The following LRP4 variants were observed in gnomAD, a reference collection of about 807,000 sequenced individuals.
LRP4 encodes LDL receptor related protein 4.
LRP4 carries 95 observed loss-of-function variants against 220.3 expected under a neutral mutation model. The ratio of observed to expected loss-of-function variants is 0.43; its 90% CI spans 0.37 to 0.51. LRP4 has a LOEUF of 0.51. Ranked by LOEUF, LRP4 falls within the 20% of genes least tolerant of loss-of-function variation. LRP4 has a pLI of 0.00. For missense variants in LRP4, 1,925 were observed against 2,567.0 expected (o/e 0.75, Z 5.40); for synonymous variants, 903 against 954.6 (o/e 0.95, Z 1.00).
chr11:46,890,224 A>C lies in LRP4; in HGVS notation c.1915+53T>G. On this transcript the variant is annotated intron_variant, in intron 14 of 37. Coordinates refer to ENST00000378623, the MANE Select transcript of LRP4 (RefSeq NM_002334.4). The surrounding 1 kb of genome is among the most constrained non-coding windows in gnomAD (Gnocchi z 5.3). Reference sequence around the variant, plus strand: ...ACCTCTACCAAGGCTCCTGGGGGGCAGGGACGGGGGCAGGAGGACAAGAGA... The same window carrying C: ...ACCTCTACCAAGGCTCCTGGGGGGCCGGGACGGGGGCAGGAGGACAAGAGA... 1.2e-6 allele frequency: 2 copies of C among 1,606,518 alleles called. No individual in the cohort carries two copies. Among genetic ancestry groups the C allele is most frequent in the South Asian group, 2.2e-5 (2 of 90,870 alleles).
intron 3 of LRP4, 38 bp from the exon 4 acceptor site, chr11:46,900,014 G>A (rs1308079256): frequency 8.6e-6 from 13 of 1,513,882 alleles, no homozygotes; most frequent in East Asian, 2.3e-5. Context: ...GCAGGCAGTG[G>A]GGGTCTGGTG....
chr11:46,893,582 T>C (rs1941466381), intron 12 of LRP4, among the ~76,000 whole-genome samples: 1 of 152,170 alleles, frequency 6.6e-6, no homozygotes, highest in Non-Finnish European at 1.5e-5. Flanking sequence ...GATTGACAAG[T>C]GAGCTGTTTC....
intron 1 of LRP4, among the ~76,000 whole-genome samples, chr11:46,908,102 T>C (rs1941791016): frequency 6.6e-6 from 1 of 152,070 alleles, no homozygotes. Flanking sequence ...TGGCCAATTT[T>C]TGTATTTTTA....
At chr11:46,905,495 T>C (rs950150732) in intron 1 of LRP4, among the ~76,000 whole-genome samples, 4 of 152,234 alleles carry the variant, frequency 2.6e-5, no homozygotes, top group Non-Finnish European at 4.4e-5. Context: ...TTTTTGGTTG[T>C]CCTGCTTGGC....
chr11:46,897,362 A>C (rs11039022), intron 7 of LRP4, among the ~76,000 whole-genome samples: 98 of 83,614 alleles, frequency 1.2e-3, no homozygotes, highest in East Asian at 9.1e-3. Context: ...TTATTTTTTT[A>C]TTTTTATTTT....
intron 36 of LRP4, among the ~76,000 whole-genome samples, chr11:46,864,219 A>T (rs1276875138): frequency 6.6e-6 from 1 of 152,194 alleles, no homozygotes; most frequent in Non-Finnish European, 1.5e-5. Context: ...CTATAAAGAA[A>T]ATCCGAAGGG....
rs374365893 is a variant in LRP4 at position 46,886,312 on chromosome 11, C to T, written c.2424+13G>A. On this transcript the variant is annotated intron_variant, in intron 17 of 37. Coordinates refer to ENST00000378623, the MANE Select transcript of LRP4 (RefSeq NM_002334.4). ...TGGATTCCACCCTTCAACCTCCCCA[C>T]GCTGGGCCCTACCTCCTGTCCTGTT... The T allele has an allele frequency of 1.6e-5, 25 of 1,586,424 alleles. No individual in the cohort carries two copies. Among genetic ancestry groups the T allele is most frequent in the South Asian group, 5.7e-5 (5 of 88,436 alleles).
At chr11:46,912,799 AGAGGGAGGG>A (rs1458763401) in intron 1 of LRP4, among the ~76,000 whole-genome samples, 2 of 152,224 alleles carry the variant, frequency 1.3e-5, no homozygotes, top group Non-Finnish European at 2.9e-5. Context: ...ACACCCAGAC[AGAGGGAGGG>A]TCCCTCTCCC....
intron 1 of LRP4, among the ~76,000 whole-genome samples, chr11:46,914,045 G>T (rs1941911097): frequency 6.6e-6 from 1 of 152,082 alleles, no homozygotes; most frequent in Non-Finnish European, 1.5e-5. Context: ...AATCATCTCG[G>T]ATCCACTTAG....
intron 1 of LRP4, among the ~76,000 whole-genome samples, chr11:46,909,920 T>G (rs969668684): frequency 6.6e-6 from 1 of 152,162 alleles, no homozygotes; most frequent in African/African-American, 2.4e-5. Flanking sequence ...TACTCCTTTC[T>G]CCTACAAGAG....
Position 46,865,180 on chromosome 11 carries a change from A to G in LRP4, c.5094T>C (p.Ser1698=), listed in dbSNP as rs1940662662. The G allele has an allele frequency of 1.3e-6, 2 of 1,555,698 alleles. No individual in the cohort carries two copies. The highest frequency in any genetic ancestry group is 1.7e-6 in the Non-Finnish European group (2 of 1,148,914). The change falls in exon 35 of 38, where the codon TCT becomes TCC. Residue 1698 remains serine, a synonymous_variant. Coordinates refer to ENST00000378623, the MANE Select transcript of LRP4 (RefSeq NM_002334.4). ...AGAGGCCCAGCCTGGCATCCCTTTC[A>G]GAGCATCTGTGGGGCACAGAAAACT... The part of the protein sequence containing the change: ...TSLEEVEGRC[S]ERDARLGLCA...
In LRP4 at chr11:46,873,827, G is replaced by A. The variant is rs11039014; in HGVS notation, c.4230-234C>T. 0.7 allele frequency: 362,616 copies of A among 518,138 alleles called. 130,881 individuals carry two copies. The highest frequency in any genetic ancestry group is 0.77 in the Non-Finnish European group (226,717 of 295,068). 32.1% of individuals were successfully genotyped at this position (518,138 alleles called of 1,614,324 possible). A position where few individuals can be genotyped will look rare whatever the true frequency, so the allele number is the denominator to read the frequency against. ...CAGTATTTCCTGCTAACTGGACATA[G>A]TGGCGGTTGCCAGGGGATGTCTTGC... is the stretch of plus-strand genomic sequence containing the variant. On this transcript the variant is annotated intron_variant, in intron 28 of 37. Coordinates refer to ENST00000378623, the MANE Select transcript of LRP4 (RefSeq NM_002334.4). The surrounding 1 kb of genome is among the most constrained non-coding windows in gnomAD (Gnocchi z 4.2).
At chr11:46,894,555 G>T in intron 12 of LRP4, 34 bp downstream of exon 12, 2 of 1,515,706 alleles carry the variant, frequency 1.3e-6, no homozygotes, top group Non-Finnish European at 1.8e-6. Context: ...ATGTGGCATG[G>T]CTCTGCCCCT....
chr11:46,859,405 G>C (rs904091784), intron 37 of LRP4, 90 bp from the exon 38 acceptor site: 15 of 954,678 alleles, frequency 1.6e-5, no homozygotes, highest in Admixed American at 1.4e-4. Context: ...GATGGGGTAA[G>C]AGTAGGAGTG....
chr11:46,918,149 C>G lies in LRP4; in HGVS notation c.52+179G>C, dbSNP rs541813133. The stretch of plus-strand genomic sequence containing the variant: ...GCGGAAGCGCCTCCGCTGATGCCCC[C>G]GCTCGGACTGCTGGAGCCGGGGCCG... On this transcript the variant is annotated intron_variant, in intron 1 of 37. Transcript: ENST00000378623. This position sits in a 1 kb window ranked among gnomAD's most constrained non-coding sequence, Gnocchi z 6.0. Among the ~76,000 whole-genome samples the G allele has an allele frequency of 6.6e-6, 1 of 152,014 alleles. No homozygotes were observed. The highest frequency in any genetic ancestry group is 2.4e-5 in the African/African-American group (1 of 41,398).
intron 1 of LRP4, among the ~76,000 whole-genome samples, chr11:46,910,011 T>G (rs1322579243): frequency 6.6e-6 from 1 of 152,180 alleles, no homozygotes; most frequent in Non-Finnish European, 1.5e-5. Context: ...GTCCCTTTTA[T>G]TCCCGATTCC....
In LRP4 at chr11:46,871,623, C is replaced by G. The variant is rs147609642; in HGVS notation, c.4594G>C (p.Val1532Leu). The G allele has an allele frequency of 2.0e-4, 326 of 1,608,836 alleles. No homozygotes were observed. The highest frequency in any genetic ancestry group is 2.3e-4 in the Non-Finnish European group (276 of 1,176,524). The change falls in exon 31 of 38, where the codon GTG (valine) becomes CTG (leucine). Residue 1532 changes from valine to leucine, a missense_variant. This residue lies in a region of LRP4 where 1,244 missense variants were observed against 1,624.9 expected (regional missense o/e 0.77). Coordinates refer to ENST00000378623, the MANE Select transcript of LRP4 (RefSeq NM_002334.4). ...LDYDTRRIYW[V>L]DAHLDRIESA... ...TCGATCCGGTCCAGATGCGCATCCA[C>G]CCAGTAGATCCTGCGAAGAAAATGA...
chr11:46,893,135 G>C lies in LRP4; in HGVS notation c.1541-6C>G. ...CCAATCCACAGCCAGGCCCCCTGGTGAGAAGCAGCAGCAAAAAATGTCAAG... is the reference window on the plus strand; with the variant it reads ...CCAATCCACAGCCAGGCCCCCTGGTCAGAAGCAGCAGCAAAAAATGTCAAG... On this transcript the variant is annotated splice_region_variant and splice_polypyrimidine_tract_variant and intron_variant, in intron 12 of 37. Coordinates refer to ENST00000378623, the MANE Select transcript of LRP4 (RefSeq NM_002334.4). 12 of 1,614,168 alleles carry C rather than the reference G, an allele frequency of 7.4e-6. No individual in the cohort carries two copies. Among genetic ancestry groups the C allele is most frequent in the African/African-American group, 1.3e-5 (1 of 75,054 alleles).
chr11:46,874,434 G>C, intron 28 of LRP4: 1 of 201,032 alleles, frequency 5.0e-6, no homozygotes, highest in Non-Finnish European at 1.0e-5. Flanking sequence ...CTTGGCATTT[G>C]ATTGGGGCTC....
Sources: allele counts gnomAD v4.1 joint callset (sites outside exome capture counted in the v4.1 genomes callset), GRCh38; gene constraint gnomAD v4.1.1; regional missense constraint gnomAD v4.1.1; non-coding constraint Gnocchi (gnomAD v3.1); transcripts MANE v1.5; gene names NCBI Gene and HGNC (gene_info 2026-07-23, HGNC 2026-07-21).